SUSD6: variants seen among roughly 807,000 people sequenced by gnomAD.
The protein encoded by SUSD6 is sushi domain-containing protein 6.
Under a neutral mutation model 28.4 loss-of-function variants are expected in SUSD6, and 16 were observed. That is an observed-to-expected ratio of 0.56 (90% confidence interval 0.38 to 0.86). SUSD6 has a LOEUF of 0.86. SUSD6 is among the 40% of genes least tolerant of loss of function. SUSD6 has a pLI of 0.00. For missense variants in SUSD6, 341 were observed against 384.2 expected, an observed-to-expected ratio of 0.89 and a Z score of 0.94; for synonymous variants, 147 against 159.6, an observed-to-expected ratio of 0.92 and a Z score of 0.59.
rs772927783 is a variant in SUSD6, at chr14:69,715,097, A to G, written c.*4118A>G. The G allele has an allele frequency of 5.3e-5, 8 of 152,208 alleles. No individual in the cohort carries two copies. The highest frequency in any genetic ancestry group is 2.0e-4 in the Admixed American group (3 of 15,282). The allele number at this position is 152,208 out of a possible 1,614,324, so 9.4% of individuals were successfully genotyped here. A position where few individuals can be genotyped will look rare whatever the true frequency, so the allele number is the denominator to read the frequency against. Reference sequence around the variant, plus strand: ...TAATTTAATTTTAATTGTTCTATGTATATAACTGCATTTCTAAATAATTAA... The same window carrying G: ...TAATTTAATTTTAATTGTTCTATGTGTATAACTGCATTTCTAAATAATTAA... On this transcript the variant is annotated 3_prime_UTR_variant, in exon 6 of 6. Transcript: ENST00000342745.
intron 1 of SUSD6, among the ~76,000 whole-genome samples, chr14:69,641,291 G>T (rs1159060321): frequency 6.7e-6 from 1 of 149,568 alleles, no homozygotes; most frequent in Non-Finnish European, 1.5e-5. Context: ...ATCTGTTTGT[G>T]CATAATTTTC....
intron 1 of SUSD6, among the ~76,000 whole-genome samples, chr14:69,624,022 G>T (rs1214159041): frequency 6.6e-6 from 1 of 152,216 alleles, no homozygotes; most frequent in Non-Finnish European, 1.5e-5. Flanking sequence ...GTAATGTACA[G>T]TAATGTCCTA....
At chr14:69,705,084 G>T (rs1422843433) in intron 4 of SUSD6, among the ~76,000 whole-genome samples, 1 of 152,078 alleles carries the variant, frequency 6.6e-6, no homozygotes, top group Non-Finnish European at 1.5e-5. Flanking sequence ...GGGAGGCTGA[G>T]GTGGGCGGAT....
chr14:69,637,065 G>A (rs1304744166), intron 1 of SUSD6, among the ~76,000 whole-genome samples: 1 of 152,204 alleles, frequency 6.6e-6, no homozygotes, highest in Non-Finnish European at 1.5e-5. Context: ...GGTGACCAAA[G>A]TTAGCAAAGG....
At chr14:69,651,840 G>C (rs1466487884) in intron 1 of SUSD6, among the ~76,000 whole-genome samples, 1 of 152,186 alleles carries the variant, frequency 6.6e-6, no homozygotes, top group South Asian at 2.1e-4. Flanking sequence ...GGCCTGGGCA[G>C]CTTTGGCTGT....
rs1197436502 is a variant in SUSD6, at chr14:69,708,607, A to T, written c.459-70A>T. ...CTCAAAAATGGTGGCGGCTGCTATTATTATTATCATGCCTGTTTCTCTGTG... is the reference window on the plus strand; with the variant it reads ...CTCAAAAATGGTGGCGGCTGCTATTTTTATTATCATGCCTGTTTCTCTGTG... On this transcript the variant is annotated intron_variant, in intron 4 of 5. Coordinates refer to ENST00000342745, the MANE Select transcript of SUSD6 (RefSeq NM_014734.4). 9 of 1,312,444 alleles carry T rather than the reference A, an allele frequency of 6.9e-6. No individual in the cohort carries two copies. In the African/African-American group the frequency reaches 1.2e-4, roughly 17 times the overall value. The allele number at this position is 1,312,444 out of a possible 1,614,324, so 81.3% of individuals were successfully genotyped here.
chr14:69,632,608 T>C (rs768857197), intron 1 of SUSD6, among the ~76,000 whole-genome samples: 3 of 151,642 alleles, frequency 2.0e-5, no homozygotes, highest in Non-Finnish European at 4.4e-5. Context: ...TGATCCCCCT[T>C]TACCCCCTTG....
rs142465499 is a variant in SUSD6 at position 69,658,700 on chromosome 14, C to A, written c.108C>A (p.Asp36Glu). 6.8e-6 allele frequency: 11 copies of A among 1,613,866 alleles called. No homozygotes were observed. The African/African-American group carries it at 1.5e-4, about 22-fold the overall frequency. Residue 36 changes from aspartate to glutamate, a missense_variant, in exon 2 of 6, where the codon GAC (aspartate) becomes GAA (glutamate). Coordinates refer to ENST00000342745, the MANE Select transcript of SUSD6 (RefSeq NM_014734.4). ...PLVILCTLLG[D>E]GLASVCPLPP... ...TGATCCTTTGCACCCTGCTTGGAGACGGACTTGCTTCCGGTAAGTCCTGAC... is the reference window on the plus strand; with the variant it reads ...TGATCCTTTGCACCCTGCTTGGAGAAGGACTTGCTTCCGGTAAGTCCTGAC...
At chr14:69,616,865 A>G (rs574321074) in intron 1 of SUSD6, among the ~76,000 whole-genome samples, 4 of 152,124 alleles carry the variant, frequency 2.6e-5, no homozygotes, top group African/African-American at 7.2e-5. Flanking sequence ...GGTTTTTAGT[A>G]TATTTACAGA....
intron 2 of SUSD6, among the ~76,000 whole-genome samples, chr14:69,701,046 G>C (rs926424886): frequency 6.6e-6 from 1 of 152,094 alleles, no homozygotes; most frequent in Non-Finnish European, 1.5e-5. Context: ...AAATATATGT[G>C]TGCACTTAAT....
intron 2 of SUSD6, among the ~76,000 whole-genome samples, chr14:69,698,084 T>C (rs1886252811): frequency 6.6e-6 from 1 of 152,220 alleles, no homozygotes; most frequent in East Asian, 1.9e-4. Context: ...TCCCAACACT[T>C]TGGGAGGCCG....
chr14:69,702,775 G>A (rs1289529447), intron 2 of SUSD6, among the ~76,000 whole-genome samples: 1 of 152,206 alleles, frequency 6.6e-6, no homozygotes, highest in Non-Finnish European at 1.5e-5. Context: ...GACAAATAAG[G>A]CGGGAGGTGA....
chr14:69,694,527 C>T (rs1282930185), intron 2 of SUSD6, among the ~76,000 whole-genome samples: 2 of 152,292 alleles, frequency 1.3e-5, no homozygotes, highest in South Asian at 4.1e-4. Flanking sequence ...GGCCTTGGAA[C>T]CTTGGAGATG....
rs769020564 is a variant in SUSD6 at position 69,658,598 on chromosome 14, C to T, written c.6C>T (p.Cys2=). Residue 2 remains cysteine (C), a synonymous_variant, in exon 2 of 6, where the codon TGC becomes TGT. Transcript: ENST00000342745. M[C]HGRIAPKSTS... ...AAAACTTGGACGGATAAAAGATGTG[C>T]CATGGCAGGATAGCACCAAAGAGCA... is the stretch of plus-strand genomic sequence containing the variant. The T allele has an allele frequency of 6.2e-7, 1 of 1,614,020 alleles. No individual in the cohort carries two copies. The highest frequency in any genetic ancestry group is 1.1e-5 in the South Asian group (1 of 91,054).
chr14:69,641,216 T>G (rs1885347217), intron 1 of SUSD6, among the ~76,000 whole-genome samples: 1 of 152,238 alleles, frequency 6.6e-6, no homozygotes, highest in Non-Finnish European at 1.5e-5. Flanking sequence ...ACATTTCGAT[T>G]ATGATGTACC....
At chr14:69,654,751 C>T (rs548862671) in intron 1 of SUSD6, among the ~76,000 whole-genome samples, 1 of 149,826 alleles carries the variant, frequency 6.7e-6, no homozygotes, top group East Asian at 2.0e-4. Flanking sequence ...TCCCTGAAGG[C>T]GACCATTAGT....
chr14:69,695,895 A>G (rs978171234), intron 2 of SUSD6, among the ~76,000 whole-genome samples: 1 of 152,226 alleles, frequency 6.6e-6, no homozygotes, highest in Non-Finnish European at 1.5e-5. Flanking sequence ...ACCATATCAG[A>G]TGTCATCACT....
chr14:69,697,271 C>T (rs1417448225), intron 2 of SUSD6, among the ~76,000 whole-genome samples: 1 of 152,160 alleles, frequency 6.6e-6, no homozygotes, highest in Non-Finnish European at 1.5e-5. Context: ...ACTTCTCTGC[C>T]CAACCTGTTT....
chr14:69,663,731 AG>A (rs1263501782), intron 2 of SUSD6, among the ~76,000 whole-genome samples: 1 of 152,194 alleles, frequency 6.6e-6, no homozygotes, highest in Non-Finnish European at 1.5e-5. Context: ...TTAAGTGGTG[AG>A]GCTGGCTGGG....
Sources: gnomAD v4.1 joint callset for allele counts (sites outside exome capture counted in the v4.1 genomes callset) on GRCh38, gnomAD v4.1.1 for gene constraint, MANE v1.5 for transcripts, NCBI Gene and HGNC (gene_info 2026-07-23, HGNC 2026-07-21) for gene names.